Variants in ITGB1 observed in about 807,000 individuals in gnomAD.
ITGB1 encodes integrin beta-1.
In ITGB1, 24 loss-of-function variants were observed where a neutral mutation model predicts 86.5. That is an observed-to-expected ratio of 0.28 (90% CI 0.20 to 0.39). The LOEUF (loss-of-function observed/expected upper bound fraction) is 0.39. Among genes scored for constraint, ITGB1 ranks in the 10% least tolerant of loss-of-function variants. The pLI is 1.00. For missense variants in ITGB1, 556 were observed against 946.9 expected (o/e 0.59, Z 5.42); for synonymous variants, 323 against 316.8 (o/e 1.02, Z -0.21).
rs2094913815 is a variant in ITGB1, at chr10:32,911,647, C to T, written c.1732G>A (p.Val578Met). ...GTGTAGTTGGGGTTGCACTCACACA[C>T]ACGACACTTGCAAACACCATTTCCT... is the stretch of plus-strand genomic sequence containing the variant. ...CGGNGVCKCR[V>M]CECNPNYTGS... The change falls in exon 13 of 16, where the codon GTG becomes ATG. Residue 578 changes from valine to methionine, a missense_variant. By Grantham distance (21) the Val-to-Met change is conservative (BLOSUM62 1). This residue lies in a region of ITGB1 where 330 missense variants were observed against 531.5 expected (regional missense o/e 0.62). Coordinates refer to ENST00000302278, the MANE Select transcript of ITGB1 (RefSeq NM_002211.4). The T allele has an allele frequency of 6.2e-7, 1 of 1,614,052 alleles. No homozygotes were observed. Among genetic ancestry groups the T allele is most frequent in the Admixed American group, 1.7e-5 (1 of 60,008 alleles).
chr10:32,945,190 T>A (rs1257433165), intron 1 of ITGB1, among the ~76,000 whole-genome samples: 1 of 152,212 alleles, frequency 6.6e-6, no homozygotes, highest in African/African-American at 2.4e-5. Flanking sequence ...TCTTTTGAAA[T>A]CATCTAGTGT....
At chr10:32,932,718 G>C (rs2094987751) in intron 2 of ITGB1, 118 bp from the exon 3 acceptor site, 1 of 623,600 alleles carries the variant, frequency 1.6e-6, no homozygotes, top group Non-Finnish European at 2.9e-6. Flanking sequence ...CTATGACCTA[G>C]TTACCATCTA....
intron 1 of ITGB1, among the ~76,000 whole-genome samples, chr10:32,953,991 C>G (rs1439067574): frequency 6.6e-6 from 1 of 152,108 alleles, no homozygotes; most frequent in Admixed American, 6.5e-5. Flanking sequence ...TCCTCTTCCT[C>G]CACCCCCCCT....
chr10:32,911,767 C>T, intron 12 of ITGB1, 97 bp from the exon 13 acceptor site: 1 of 1,452,930 alleles, frequency 6.9e-7, no homozygotes, highest in Non-Finnish European at 9.6e-7. Context: ...GAAAGTATAC[C>T]TAGGGGCGAG....
At position 32,921,052 on chromosome 10, in the gene ITGB1, G is replaced by A. The variant is rs149999084; in HGVS notation, c.1129-667C>T. ...CGAAATAAATGCTGTCTTCCCCATCGGCAAAATGGCATTTCTGTAGTCCTA... is the reference window on the plus strand; with the variant it reads ...CGAAATAAATGCTGTCTTCCCCATCAGCAAAATGGCATTTCTGTAGTCCTA... On this transcript the variant is annotated intron_variant, in intron 9 of 15. Coordinates refer to ENST00000302278, the MANE Select transcript of ITGB1 (RefSeq NM_002211.4). 5.4e-4 allele frequency among the ~76,000 whole-genome samples: 82 copies of A among 151,086 alleles called. No individual in the cohort carries two copies. In the East Asian group the frequency reaches 0.014, roughly 26 times the overall value.
intron 9 of ITGB1, among the ~76,000 whole-genome samples, chr10:32,921,277 G>T (rs752099715): frequency 6.6e-6 from 1 of 152,028 alleles, no homozygotes; most frequent in East Asian, 1.9e-4. Context: ...GCTATCTCTT[G>T]TTCACACCCC....
At position 32,925,878 on chromosome 10, in the gene ITGB1, A is replaced by G. The variant is rs1193852901; in HGVS notation, c.779T>C (p.Val260Ala). The change falls in exon 6 of 16, where the codon GTT becomes GCT. Residue 260 changes from valine to alanine, a missense_variant. Val to Ala is a moderately conservative substitution (Grantham distance 64). Coordinates refer to ENST00000302278, the MANE Select transcript of ITGB1 (RefSeq NM_002211.4). Reference protein sequence around the residue: ...GGFDAIMQVAVCGSLIGWRNV... With the variant: ...GGFDAIMQVAACGSLIGWRNV... ...GGAAATGAATGCGCTTACTCCACAAACTGCAACTTGCATGATGGCATCGAA... is the reference window on the plus strand; with the variant it reads ...GGAAATGAATGCGCTTACTCCACAAGCTGCAACTTGCATGATGGCATCGAA... 1 of 1,600,668 alleles carries G rather than the reference A, an allele frequency of 6.2e-7. No individual in the cohort carries two copies. Among genetic ancestry groups the G allele is most frequent in the Non-Finnish European group, 8.6e-7 (1 of 1,167,738 alleles).
At chr10:32,913,557 G>A (rs1312800655) in intron 11 of ITGB1, among the ~76,000 whole-genome samples, 2 of 152,164 alleles carry the variant, frequency 1.3e-5, no homozygotes, top group Non-Finnish European at 2.9e-5. Flanking sequence ...TCCAGTGGAA[G>A]AAAGGATATC....
At chr10:32,924,153 C>T (rs1447665225) in intron 6 of ITGB1, among the ~76,000 whole-genome samples, 1 of 152,184 alleles carries the variant, frequency 6.6e-6, no homozygotes, top group African/African-American at 2.4e-5. Context: ...CTGCTGCTGT[C>T]TTGTCCCCAT....
intron 1 of ITGB1, among the ~76,000 whole-genome samples, chr10:32,954,693 A>T (rs999961437): frequency 6.6e-6 from 1 of 152,124 alleles, no homozygotes; most frequent in African/African-American, 2.4e-5. Context: ...GAAATTATGT[A>T]CAATGAGATT....
At chr10:32,908,205 TTC>T in intron 15 of ITGB1, 161 bp downstream of exon 15, 1 of 471,782 alleles carries the variant, frequency 2.1e-6, no homozygotes. Context: ...TTAGGATGCT[TTC>T]TGTTTTTCAC....
At chr10:32,932,251 T>C (rs1047010873) in intron 3 of ITGB1, among the ~76,000 whole-genome samples, 3 of 152,162 alleles carry the variant, frequency 2.0e-5, no homozygotes, top group Non-Finnish European at 4.4e-5. Context: ...ACAAAAATTA[T>C]CATTTCACCA....
chr10:32,934,805 G>A (rs146967031), intron 2 of ITGB1, among the ~76,000 whole-genome samples: 4 of 151,926 alleles, frequency 2.6e-5, no homozygotes, highest in East Asian at 1.9e-4. Context: ...TCTTGTTTAC[G>A]GTGTTCTGAC....
chr10:32,918,638 G>A (rs1325974318), intron 11 of ITGB1, among the ~76,000 whole-genome samples: 1 of 152,182 alleles, frequency 6.6e-6, no homozygotes, highest in Non-Finnish European at 1.5e-5. Flanking sequence ...AGACAAAAAT[G>A]TAATCTAGCA....
At chr10:32,944,976 G>C in intron 1 of ITGB1, 1 of 1,010,454 alleles carries the variant, frequency 9.9e-7, no homozygotes, top group Non-Finnish European at 1.5e-6. Flanking sequence ...GTTCCACAAA[G>C]AAGCCAGAAA....
At chr10:32,951,037 C>A (rs1049142464) in intron 1 of ITGB1, among the ~76,000 whole-genome samples, 1 of 151,954 alleles carries the variant, frequency 6.6e-6, no homozygotes, top group Non-Finnish European at 1.5e-5. Context: ...AAAGATAATA[C>A]GTTGGGGGTA....
In ITGB1 at chr10:32,944,900, C is replaced by T. The variant is rs192826280; in HGVS notation, c.1-9342G>A. ...TAAACCAGAGACGGTTATCAAAAGACTAAAGGCTTATGAAGCCCAAACAAA... is the reference window on the plus strand; with the variant it reads ...TAAACCAGAGACGGTTATCAAAAGATTAAAGGCTTATGAAGCCCAAACAAA... On this transcript the variant is annotated intron_variant, in intron 1 of 15. Coordinates refer to ENST00000302278, the MANE Select transcript of ITGB1 (RefSeq NM_002211.4). 7.2e-3 allele frequency: 9,621 copies of T among 1,335,060 alleles called. 56 individuals carry two copies. The highest frequency in any genetic ancestry group is 0.026 in the Middle Eastern group (97 of 3,738). 82.7% of individuals were successfully genotyped at this position (1,335,060 alleles called of 1,614,324 possible). A position where few individuals can be genotyped will look rare whatever the true frequency, so the allele number is the denominator to read the frequency against.
chr10:32,936,591 C>A (rs2137242310), intron 1 of ITGB1, among the ~76,000 whole-genome samples: 1 of 151,856 alleles, frequency 6.6e-6, no homozygotes, highest in African/African-American at 2.4e-5. Flanking sequence ...AACCTCTAAC[C>A]AAAAAATTAG....
At chr10:32,954,985 G>C (rs1157772212) in intron 1 of ITGB1, among the ~76,000 whole-genome samples, 2 of 152,136 alleles carry the variant, frequency 1.3e-5, no homozygotes, top group Non-Finnish European at 2.9e-5. Flanking sequence ...TCCTGAAAGA[G>C]AGAAACTTTT....
Sources: gnomAD v4.1 joint callset for allele counts (sites outside exome capture counted in the v4.1 genomes callset) on GRCh38, gnomAD v4.1.1 for gene constraint, gnomAD v4.1.1 regional missense constraint, MANE v1.5 for transcripts, NCBI Gene and HGNC (gene_info 2026-07-23, HGNC 2026-07-21) for gene names.